The following SOX5 variants were observed in gnomAD, a reference collection of about 807,000 sequenced individuals.
The protein encoded by SOX5 is transcription factor SOX-5.
SOX5 carries 9 observed loss-of-function variants against 92.0 expected under a neutral mutation model. The ratio of observed to expected loss-of-function variants is 0.10; its 90% CI spans 0.06 to 0.17. The LOEUF (loss-of-function observed/expected upper bound fraction) is 0.17, where lower values mean the gene tolerates loss of function less well. Ranked by LOEUF, SOX5 falls within the 10% of genes least tolerant of loss-of-function variation. The probability of loss-of-function intolerance (pLI) is 1.00; values close to 1 mark genes in which losing one functional copy is unlikely to be tolerated. For synonymous variants in SOX5, 344 were observed against 336.3 expected (o/e 1.02, Z -0.25); for missense variants, 642 against 944.5 (o/e 0.68, Z 4.20).
At chr12:24,143,852 AAAG>A (rs1363003149) in intron 4 of SOX5, among the ~76,000 whole-genome samples, 17 of 151,502 alleles carry the variant, frequency 1.1e-4, no homozygotes, top group Non-Finnish European at 2.1e-4. Flanking sequence ...GAGGAGGAGG[AAAG>A]AAGAAGGAGG....
chr12:23,846,189 A>G lies in SOX5; in HGVS notation c.275T>C (p.Val92Ala), dbSNP rs2096572628. 4.3e-6 allele frequency: 7 copies of G among 1,612,900 alleles called. No homozygotes were observed. The highest frequency in any genetic ancestry group is 5.9e-6 in the Non-Finnish European group (7 of 1,179,010). Residue 92 changes from valine to alanine, a missense_variant, in exon 3 of 15, where the codon GTT (valine) becomes GCT (alanine). By Grantham distance (64) the Val-to-Ala change is moderately conservative. Transcript: ENST00000451604. ...TPTSQHNTME[V>A]DGNKVMSSFA... ...TGAAGACATAACTTTATTGCCATCA[A>G]CTTCCTGAAAGAGAAAGCAAAATGA...
intron 2 of SOX5, among the ~76,000 whole-genome samples, chr12:23,874,341 T>C (rs1475767230): frequency 6.6e-6 from 1 of 152,196 alleles, no homozygotes; most frequent in Admixed American, 6.5e-5. Context: ...TATTTTGTCC[T>C]TGGGTAGTTA....
At chr12:23,783,863 C>T (rs1463531137) in intron 3 of SOX5, among the ~76,000 whole-genome samples, 4 of 152,138 alleles carry the variant, frequency 2.6e-5, no homozygotes, top group African/African-American at 7.2e-5. Context: ...CGTAGATTCC[C>T]AGACATTGGA....
chr12:24,238,248 T>C (rs1329331482), intron 3 of SOX5, among the ~76,000 whole-genome samples: 1 of 152,098 alleles, frequency 6.6e-6, no homozygotes, highest in East Asian at 1.9e-4. Context: ...CCATGGTGGA[T>C]AGCAGAGAGG....
At chr12:23,621,256 G>A (rs950410560) in intron 8 of SOX5, among the ~76,000 whole-genome samples, 21 of 152,004 alleles carry the variant, frequency 1.4e-4, no homozygotes, top group African/African-American at 5.1e-4. Context: ...AATTCACAGA[G>A]ACAGAAAGTA....
chr12:24,226,945 A>G, intron 3 of SOX5, among the ~76,000 whole-genome samples: 1 of 152,236 alleles, frequency 6.6e-6, no homozygotes, highest in East Asian at 1.9e-4. Context: ...CTCAGCAAAT[A>G]TAAGCCTGAT....
chr12:24,099,998 C>T (rs1001734137), intron 4 of SOX5, among the ~76,000 whole-genome samples: 27 of 152,200 alleles, frequency 1.8e-4, no homozygotes, highest in African/African-American at 4.8e-4. Context: ...CAAATTGTGT[C>T]AGGTTAAATG....
intron 4 of SOX5, among the ~76,000 whole-genome samples, chr12:23,982,928 C>T (rs1949712990): frequency 6.6e-6 from 1 of 152,046 alleles, no homozygotes; most frequent in South Asian, 2.1e-4. Context: ...TTTTTGACAG[C>T]CAGCAGCCAC....
At chr12:24,228,782 T>C (rs925151031) in intron 3 of SOX5, among the ~76,000 whole-genome samples, 2 of 152,154 alleles carry the variant, frequency 1.3e-5, no homozygotes, top group Admixed American at 6.5e-5. Flanking sequence ...TTTCAACTCC[T>C]CGGGATTCTG....
chr12:24,228,472 G>A (rs185776924), intron 3 of SOX5, among the ~76,000 whole-genome samples: 26 of 152,250 alleles, frequency 1.7e-4, no homozygotes, highest in African/African-American at 6.0e-4. Context: ...GGCATGAAGT[G>A]AATCATTTTA....
rs1283368838 is a variant in SOX5, at chr12:23,642,948, G to A, written c.932-2051C>T. 1.2e-4 allele frequency among the ~76,000 whole-genome samples: 16 copies of A among 138,598 alleles called. 2 individuals carry two copies. The South Asian group carries it at 1.9e-3, about 16-fold the overall frequency. 90.9% of individuals were successfully genotyped at this position (138,598 alleles called of 152,430 possible). On this transcript the variant is annotated intron_variant, in intron 7 of 14. Coordinates refer to ENST00000451604, the MANE Select transcript of SOX5 (RefSeq NM_006940.6). The stretch of plus-strand genomic sequence containing the variant: ...TAAAAATACAAAAAATTAGCCGGGC[G>A]TAGTGGCGGGCGCCTGTAGTCCCAG...
At chr12:24,495,607 A>G (rs1947551435) in intron 1 of SOX5, among the ~76,000 whole-genome samples, 1 of 152,184 alleles carries the variant, frequency 6.6e-6, no homozygotes, top group Non-Finnish European at 1.5e-5. Flanking sequence ...GTCAGCCTCC[A>G]AAACAACAAC....
intron 4 of SOX5, among the ~76,000 whole-genome samples, chr12:23,976,841 A>G (rs1322329941): frequency 6.6e-6 from 1 of 152,116 alleles, no homozygotes; most frequent in Non-Finnish European, 1.5e-5. Context: ...AACAAAAACA[A>G]AAACAGCATA....
rs1164424066 is a variant in SOX5, at chr12:23,627,216, GGAAA to G, written c.1017+13592_1017+13595del. ...AAAGCTCTAGTAACTTTTACGGAAT[GGAAA>G]GAAAGAGAGACATAGATTATTTGTA... On this transcript the variant is annotated intron_variant, in intron 8 of 14. Coordinates refer to ENST00000451604, the MANE Select transcript of SOX5 (RefSeq NM_006940.6). Among the ~76,000 whole-genome samples the G allele has an allele frequency of 2.0e-5, 3 of 152,184 alleles. No individual in the cohort carries two copies. In the East Asian group the frequency reaches 5.8e-4, roughly 29 times the overall value.
chr12:24,427,769 G>A (rs1161555786), intron 1 of SOX5, among the ~76,000 whole-genome samples: 2 of 152,156 alleles, frequency 1.3e-5, no homozygotes, highest in Non-Finnish European at 2.9e-5. Flanking sequence ...CTAACAGGCA[G>A]AAATCCACGA....
chr12:24,203,433 A>G (rs550361686), intron 4 of SOX5, among the ~76,000 whole-genome samples: 128 of 152,340 alleles, frequency 8.4e-4, no homozygotes, highest in Non-Finnish European at 1.6e-3. Flanking sequence ...TGTGCTCACC[A>G]CCACTGGGGT....
chr12:23,555,852 G>GAAAT (rs1945065560), intron 11 of SOX5, among the ~76,000 whole-genome samples: 2 of 152,042 alleles, frequency 1.3e-5, no homozygotes, highest in South Asian at 2.1e-4. Flanking sequence ...AAAAAGAAAA[G>GAAAT]AAATAAAGAG....
rs548110078 is a variant in SOX5, at chr12:23,871,849, T to A, written c.270+23944A>T. Among the ~76,000 whole-genome samples the A allele has an allele frequency of 3.5e-4, 53 of 152,214 alleles. 1 individual carries two copies. The South Asian group carries it at 0.011, about 31-fold the overall frequency. On this transcript the variant is annotated intron_variant, in intron 2 of 14. Transcript: ENST00000451604. The stretch of plus-strand genomic sequence containing the variant: ...ATGGGTTCCGGCACTGTGCCTACAG[T>A]TCTTAATGGATAAGTTGGCCCTGTC...
chr12:23,695,259 G>C (rs1341406710), intron 6 of SOX5, among the ~76,000 whole-genome samples: 2 of 152,120 alleles, frequency 1.3e-5, no homozygotes, highest in South Asian at 4.1e-4. Flanking sequence ...GCCAAAATCA[G>C]AAAGTGTAAA....
Sources: allele counts gnomAD v4.1 joint callset (sites outside exome capture counted in the v4.1 genomes callset), GRCh38; gene constraint gnomAD v4.1.1; transcripts MANE v1.5; gene names NCBI Gene and HGNC (gene_info 2026-07-23, HGNC 2026-07-21).